The following USP47 variants were observed in gnomAD, a reference collection of about 807,000 sequenced individuals.
The protein encoded by USP47 is ubiquitin specific peptidase 47.
USP47 carries 35 observed loss-of-function variants against 165.1 expected under a neutral mutation model. The observed-to-expected ratio is 0.21, with a 90% CI of 0.16 to 0.28. USP47 has a LOEUF of 0.28. Ranked by LOEUF, USP47 falls within the 10% of genes least tolerant of loss-of-function variation. The pLI is 1.00. For synonymous variants in USP47, 531 were observed against 544.5 expected (o/e 0.98, Z 0.35); for missense variants, 1,277 against 1,607.4 (o/e 0.79, Z 3.52).
At chr11:11,844,708 T>G (rs181627631) in intron 1 of USP47, among the ~76,000 whole-genome samples, 107 of 152,324 alleles carry the variant, frequency 7.0e-4, no homozygotes, top group African/African-American at 2.5e-3. Flanking sequence ...AATGGCTTAT[T>G]ATCAATAATC....
At chr11:11,900,309 A>C (rs747217253) in intron 5 of USP47, among the ~76,000 whole-genome samples, 13 of 151,602 alleles carry the variant, frequency 8.6e-5, no homozygotes, top group African/African-American at 1.2e-4. Flanking sequence ...TACAGGCGCC[A>C]GCCACCTCGC....
At chr11:11,926,560 T>C (rs1176457562) in intron 11 of USP47, among the ~76,000 whole-genome samples, 2 of 152,046 alleles carry the variant, frequency 1.3e-5, no homozygotes, top group African/African-American at 2.4e-5. Context: ...TTTGAGTCTT[T>C]TCTCTTTCTT....
intron 8 of USP47, among the ~76,000 whole-genome samples, chr11:11,913,653 A>G (rs1421748153): frequency 1.3e-5 from 2 of 152,090 alleles, no homozygotes; most frequent in African/African-American, 4.8e-5. Flanking sequence ...AGGTTGGTTA[A>G]TAGGTACAAA....
At position 11,956,090 on chromosome 11, in the gene USP47, A is replaced by G. The variant is rs777773737; in HGVS notation, c.3983A>G (p.His1328Arg). The change falls in exon 28 of 28, where the codon CAT (histidine) becomes CGT (arginine). Residue 1328 changes from histidine (H) to arginine (R), a missense_variant. Physicochemically the swap from His to Arg is conservative, Grantham distance 29. Coordinates refer to ENST00000527733, the MANE Select transcript of USP47 (RefSeq NM_001282659.2). The part of the protein sequence containing the change: ...KESSRLQKTG[H>R]RVTYSPRKEK... ...AGCAGTCGACTCCAGAAGACTGGAC[A>G]TCGTGTAACATACTCACCTCGTAAA... 2.1e-5 allele frequency: 34 copies of G among 1,611,890 alleles called. No individual in the cohort carries two copies. In the Middle Eastern group the frequency reaches 2.3e-3, roughly 109 times the overall value.
intron 8 of USP47, among the ~76,000 whole-genome samples, chr11:11,913,608 G>A (rs945415649): frequency 2.6e-5 from 4 of 151,950 alleles, no homozygotes; most frequent in Non-Finnish European, 5.9e-5. Context: ...CCAGAGGCTG[G>A]GAACAGTGTG....
At chr11:11,922,936 C>G in intron 11 of USP47, 45 bp downstream of exon 11, 3 of 1,551,380 alleles carry the variant, frequency 1.9e-6, no homozygotes, top group Non-Finnish European at 2.6e-6. Context: ...TGAGAATAAT[C>G]TCTGACTTCC....
intron 8 of USP47, among the ~76,000 whole-genome samples, chr11:11,916,007 C>T (rs1590369078): frequency 6.6e-6 from 1 of 152,058 alleles, no homozygotes; most frequent in South Asian, 2.1e-4. Context: ...TAGGCAATAC[C>T]ATTCCTTGCA....
chr11:11,892,191 A>T (rs887476339), intron 4 of USP47, 85 bp downstream of exon 4: 1 of 1,426,090 alleles, frequency 7.0e-7, no homozygotes, highest in Admixed American at 2.2e-5. Flanking sequence ...CTCTTATTTT[A>T]TGGATAAGAA....
chr11:11,882,851 A>G (rs1021586596), intron 2 of USP47, among the ~76,000 whole-genome samples: 5 of 152,182 alleles, frequency 3.3e-5, no homozygotes, highest in African/African-American at 9.6e-5. Context: ...CCTTCTAGGC[A>G]TTCAAAAAGC....
At chr11:11,864,350 T>A (rs1304737041) in intron 1 of USP47, among the ~76,000 whole-genome samples, 1 of 152,092 alleles carries the variant, frequency 6.6e-6, no homozygotes, top group Non-Finnish European at 1.5e-5. Context: ...TTATAAAAAA[T>A]TTATTTTTTT....
At chr11:11,860,035 T>C (rs2134186637) in intron 1 of USP47, among the ~76,000 whole-genome samples, 1 of 148,890 alleles carries the variant, frequency 6.7e-6, no homozygotes, top group East Asian at 2.0e-4. Context: ...ACCCGGGAGA[T>C]GTAGGCTGCA....
At chr11:11,860,320 T>G (rs986715826) in intron 1 of USP47, among the ~76,000 whole-genome samples, 2 of 151,844 alleles carry the variant, frequency 1.3e-5, no homozygotes, top group African/African-American at 4.8e-5. Flanking sequence ...GAGTGAGAGA[T>G]AAGTTAAATG....
At chr11:11,892,203 A>G in intron 4 of USP47, 97 bp downstream of exon 4, 1 of 1,356,266 alleles carries the variant, frequency 7.4e-7, no homozygotes, top group Non-Finnish European at 1.0e-6. Flanking sequence ...GGATAAGAAA[A>G]CTGAGACCTA....
At position 11,929,451 on chromosome 11, in the gene USP47, A is replaced by C; in HGVS notation, c.1404A>C (p.Glu468Asp). Residue 468 changes from glutamate (E) to aspartate (D), a missense_variant, in exon 12 of 28, where the codon GAA becomes GAC. Glu to Asp is a conservative substitution (Grantham distance 45). Coordinates refer to ENST00000527733, the MANE Select transcript of USP47 (RefSeq NM_001282659.2). Reference protein sequence around the residue: ...SGLEKNSLIYELFSVMVHSGS... With the variant: ...SGLEKNSLIYDLFSVMVHSGS... ...CCCCTTAGAATTCCTTGATCTATGA[A>C]CTTTTCTCTGTTATGGTTCATTCTG... is the stretch of plus-strand genomic sequence containing the variant. 1 of 1,612,710 alleles carries C rather than the reference A, an allele frequency of 6.2e-7. No homozygotes were observed. The highest frequency in any genetic ancestry group is 8.5e-7 in the Non-Finnish European group (1 of 1,179,184).
intron 1 of USP47, among the ~76,000 whole-genome samples, chr11:11,857,337 C>G (rs1044148092): frequency 9.9e-5 from 15 of 151,980 alleles, no homozygotes; most frequent in African/African-American, 3.6e-4. Flanking sequence ...ATTTATAGTA[C>G]TTTGTGATAA....
intron 10 of USP47, among the ~76,000 whole-genome samples, 172 bp downstream of exon 10, chr11:11,920,666 T>C (rs996474376): frequency 6.6e-6 from 1 of 151,884 alleles, no homozygotes; most frequent in Admixed American, 6.6e-5. Flanking sequence ...TACCTTTGTA[T>C]AAGCTTTTCC....
chr11:11,858,211 A>C (rs748477525), intron 1 of USP47, among the ~76,000 whole-genome samples: 1 of 152,018 alleles, frequency 6.6e-6, no homozygotes, highest in African/African-American at 2.4e-5. Flanking sequence ...TTCTTTGTTC[A>C]AAACGCCAAG....
intron 5 of USP47, among the ~76,000 whole-genome samples, chr11:11,899,945 G>A (rs114579855): frequency 0.019 from 2,853 of 152,024 alleles, 67 homozygotes; most frequent in African/African-American, 0.055. Context: ...ACAGAGTAGC[G>A]CTACCATGAA....
chr11:11,891,370 A>G (rs766291887), intron 3 of USP47, among the ~76,000 whole-genome samples: 8 of 152,222 alleles, frequency 5.3e-5, no homozygotes, highest in Non-Finnish European at 1.0e-4. Flanking sequence ...AACACAGTCC[A>G]TCTGTACTGA....
Sources: allele counts gnomAD v4.1 joint callset (sites outside exome capture counted in the v4.1 genomes callset), GRCh38; gene constraint gnomAD v4.1.1; transcripts MANE v1.5; gene names NCBI Gene and HGNC (gene_info 2026-07-23, HGNC 2026-07-21).